Variants in ATRX observed in about 807,000 individuals in gnomAD.
ATRX encodes the protein chromatin remodeler ATRX.
Under a neutral mutation model 172.6 loss-of-function variants are expected in ATRX, and 12 were observed. The observed-to-expected ratio is 0.07, with a 90% confidence interval of 0.04 to 0.11. The LOEUF (loss-of-function observed/expected upper bound fraction) is 0.11. ATRX is among the 10% of genes least tolerant of loss of function. The pLI is 1.00. For missense variants in ATRX, 1,368 were observed against 1,767.4 expected (o/e 0.77, Z 4.05); for synonymous variants, 674 against 594.7 (o/e 1.13, Z -1.94).
intron 1 of ATRX, among the ~76,000 whole-genome samples, chrX:77,773,536 G>A (rs1200216116): frequency 2.7e-5 from 3 of 110,058 alleles, no homozygotes; most frequent in African/African-American, 9.9e-5. Flanking sequence ...GGCGGATCAC[G>A]AAGTCAGGAT....
At chrX:77,575,460 A>C (rs1166178093) in intron 27 of ATRX, 3 of 111,474 alleles carry the variant, frequency 2.7e-5, no homozygotes. Context: ...ATTTGCATTA[A>C]TTGTTCACTT....
chrX:77,643,712 G>A lies in ATRX; in HGVS notation c.4558-7656C>T, dbSNP rs782742701. Among the ~76,000 whole-genome samples, 4 of 110,197 alleles carry A rather than the reference G, an allele frequency of 3.6e-5. No homozygotes were observed. In the East Asian group the frequency reaches 8.7e-4, roughly 24 times the overall value. ...GGACTACAGGTATGAGCCACCACAC[G>A]CAGCTACTTTTAAATTTGGGACACT... On this transcript the variant is annotated intron_variant, in intron 15 of 34. Transcript: ENST00000373344.
At chrX:77,719,168 C>G (rs2073608739) in intron 1 of ATRX, among the ~76,000 whole-genome samples, 1 of 111,065 alleles carries the variant, frequency 9.0e-6, no homozygotes, top group South Asian at 3.8e-4. Flanking sequence ...ACACAGCAAA[C>G]ACAATGAGAG....
At chrX:77,726,129 A>G (rs1488397060) in intron 1 of ATRX, among the ~76,000 whole-genome samples, 1 of 111,560 alleles carries the variant, frequency 9.0e-6, no homozygotes, top group East Asian at 2.8e-4. Context: ...CTGGGTATAT[A>G]CCCAAAGGAT....
chrX:77,532,748 GAA>G (rs2063618823), intron 30 of ATRX, among the ~76,000 whole-genome samples: 1 of 111,579 alleles, frequency 9.0e-6, no homozygotes, highest in Non-Finnish European at 1.9e-5. Flanking sequence ...GATTTCATGA[GAA>G]AAACACCAAA....
chrX:77,513,882 T>C (rs2062962136), intron 34 of ATRX, among the ~76,000 whole-genome samples: 1 of 111,265 alleles, frequency 9.0e-6, no homozygotes, highest in Non-Finnish European at 1.9e-5. Flanking sequence ...AAAATGCTTC[T>C]TAAGCTGATA....
Position 77,641,004 on chromosome X carries a change from G to A in ATRX, c.4558-4948C>T, listed in dbSNP as rs139098109. Among the ~76,000 whole-genome samples the A allele has an allele frequency of 1.2e-3, 133 of 111,237 alleles. No homozygotes were observed. The East Asian group carries it at 0.025, about 21-fold the overall frequency. On this transcript the variant is annotated intron_variant, in intron 15 of 34. Coordinates refer to ENST00000373344, the MANE Select transcript of ATRX (RefSeq NM_000489.6). ...TCAGAGGAGGCACAGTAGCCTCTTC[G>A]TTTATAACCCAGGGCATTCAGTAGA...
At chrX:77,694,713 G>C (rs1557148850) in intron 5 of ATRX, among the ~76,000 whole-genome samples, 1 of 110,001 alleles carries the variant, frequency 9.1e-6, no homozygotes, top group Non-Finnish European at 1.9e-5. Context: ...AGTAAAAAGG[G>C]TTTAGGTTTC....
chrX:77,528,681 T>C (rs1271879700), intron 30 of ATRX, among the ~76,000 whole-genome samples: 1 of 111,244 alleles, frequency 9.0e-6, no homozygotes, highest in African/African-American at 3.3e-5. Flanking sequence ...GGATCAAAGG[T>C]AGATAAGCCC....
chrX:77,577,139 A>AG (rs1321311533), intron 27 of ATRX, among the ~76,000 whole-genome samples: 1 of 111,844 alleles, frequency 8.9e-6, no homozygotes, highest in Non-Finnish European at 1.9e-5. Flanking sequence ...TATACCCAGA[A>AG]GTAGTACTTC....
intron 10 of ATRX, among the ~76,000 whole-genome samples, chrX:77,671,181 T>A (rs1405680972): frequency 2.4e-5 from 2 of 85,029 alleles, no homozygotes; most frequent in African/African-American, 4.3e-5. Flanking sequence ...TATATATATA[T>A]ATATATATAT....
chrX:77,638,905 T>C (rs1196160503), intron 15 of ATRX, among the ~76,000 whole-genome samples: 3 of 112,545 alleles, frequency 2.7e-5, no homozygotes, highest in East Asian at 5.6e-4. Flanking sequence ...ACAAGGTTGT[T>C]CTGGAGACTG....
chrX:77,617,022 T>A (rs2067381660), intron 21 of ATRX, among the ~76,000 whole-genome samples: 1 of 110,941 alleles, frequency 9.0e-6, no homozygotes, highest in Non-Finnish European at 1.9e-5. Context: ...TTCAAAATAG[T>A]CTTCTCTGTA....
At chrX:77,773,948 C>T (rs188355732) in intron 1 of ATRX, among the ~76,000 whole-genome samples, 5 of 111,083 alleles carry the variant, frequency 4.5e-5, no homozygotes, top group East Asian at 5.7e-4. Context: ...AGAGGCCGGG[C>T]GCAGTGGCTC....
At chrX:77,612,212 A>C (rs1256857507) in intron 22 of ATRX, among the ~76,000 whole-genome samples, 4 of 111,295 alleles carry the variant, frequency 3.6e-5, no homozygotes, top group Admixed American at 1.9e-4. Flanking sequence ...AAAACTGTAG[A>C]TGCATCGGCC....
At chrX:77,766,755 G>C (rs1292736572) in intron 1 of ATRX, among the ~76,000 whole-genome samples, 12 of 104,537 alleles carry the variant, frequency 1.1e-4, no homozygotes, top group Admixed American at 4.1e-4. Context: ...CCAGGCAGAG[G>C]GGCTCCTCAC....
intron 2 of ATRX, among the ~76,000 whole-genome samples, chrX:77,704,795 G>C: frequency 8.9e-6 from 1 of 112,281 alleles, no homozygotes; most frequent in Non-Finnish European, 1.9e-5. Flanking sequence ...CAATAGCAGG[G>C]TGAAGCCAGG....
chrX:77,715,516 C>T (rs781830746), intron 2 of ATRX, among the ~76,000 whole-genome samples: 2 of 112,421 alleles, frequency 1.8e-5, no homozygotes, highest in South Asian at 7.3e-4. Context: ...TTTTCTTTGA[C>T]ATTTTAAAGA....
At chrX:77,614,679 A>T (rs782638750) in intron 22 of ATRX, among the ~76,000 whole-genome samples, 3 of 111,901 alleles carry the variant, frequency 2.7e-5, no homozygotes, top group Non-Finnish European at 5.6e-5. Context: ...CAGGGTATTC[A>T]GGGTATCCAT....
Sources: allele counts gnomAD v4.1 joint callset (sites outside exome capture counted in the v4.1 genomes callset), GRCh38; gene constraint gnomAD v4.1.1; transcripts MANE v1.5; gene names NCBI Gene and HGNC (gene_info 2026-07-23, HGNC 2026-07-21).